The following TLN1 variants were observed in gnomAD, a reference collection of about 807,000 sequenced individuals.
TLN1 encodes the protein talin-1.
A neutral mutation model predicts 292.3 loss-of-function variants in TLN1; 56 were observed. The observed-to-expected ratio is 0.19, with a 90% CI of 0.15 to 0.24. TLN1 has a LOEUF of 0.24. Among genes scored for constraint, TLN1 ranks in the 10% least tolerant of loss-of-function variants. TLN1 has a pLI of 1.00. For missense variants in TLN1, 2,433 were observed against 3,248.2 expected (o/e 0.75, Z 6.10); for synonymous variants, 1,119 against 1,253.7 (o/e 0.89, Z 2.27).
At chr9:35,723,762 A>C (rs1825918854) in intron 7 of TLN1, 190 bp downstream of exon 7, 1 of 774,984 alleles carries the variant, frequency 1.3e-6, no homozygotes, top group South Asian at 1.8e-5. Context: ...ATACTGAACT[A>C]CATTCATATT....
At position 35,713,355 on chromosome 9, in the gene TLN1, C is replaced by A. The variant is rs986292123; in HGVS notation, c.3250-57G>T. ...GAAAGGAGAAGGTGAGGAGAAGGAA[C>A]CTGAGAAGGTACTTGGGGACAGGTG... is the stretch of plus-strand genomic sequence containing the variant. On this transcript the variant is annotated intron_variant, in intron 25 of 56. Coordinates refer to ENST00000314888, the MANE Select transcript of TLN1 (RefSeq NM_006289.4). The A allele has an allele frequency of 2.8e-6, 4 of 1,407,460 alleles. No individual in the cohort carries two copies. In the African/African-American group the frequency reaches 4.3e-5, roughly 15 times the overall value. 87.2% of individuals were successfully genotyped at this position (1,407,460 alleles called of 1,614,324 possible). A position where few individuals can be genotyped will look rare whatever the true frequency, so the allele number is the denominator to read the frequency against.
In TLN1 at chr9:35,707,280, A is replaced by C. The variant is rs1563940596; in HGVS notation, c.4774-27T>G. 1 of 1,604,140 alleles carries C rather than the reference A, an allele frequency of 6.2e-7. No homozygotes were observed. Among genetic ancestry groups the C allele is most frequent in the Admixed American group, 1.7e-5 (1 of 59,422 alleles). On this transcript the variant is annotated intron_variant, in intron 36 of 56. Coordinates refer to ENST00000314888, the MANE Select transcript of TLN1 (RefSeq NM_006289.4). This position sits in a 1 kb window ranked among gnomAD's most constrained non-coding sequence, Gnocchi z 5.6. ...TGGGGAGAGGGGAGGCAGGAAGGTAAGTCTCAGGAGTCCCTGGAAGATGAG... is the reference window on the plus strand; with the variant it reads ...TGGGGAGAGGGGAGGCAGGAAGGTACGTCTCAGGAGTCCCTGGAAGATGAG...
chr9:35,725,478 C>T, intron 2 of TLN1, 87 bp downstream of exon 2: 2 of 1,572,448 alleles, frequency 1.3e-6, no homozygotes, highest in East Asian at 2.3e-5. Context: ...TCTTAGGGGA[C>T]AAAGGGGTCA....
chr9:35,703,885 C>A lies in TLN1; in HGVS notation c.6247G>T (p.Ala2083Ser), dbSNP rs761961290. The A allele has an allele frequency of 6.2e-7, 1 of 1,614,186 alleles. No homozygotes were observed. The highest frequency in any genetic ancestry group is 2.2e-5 in the East Asian group (1 of 44,892). The change falls in exon 47 of 57, where the codon GCA (alanine) becomes TCA (serine). Residue 2083 changes from alanine to serine, a missense_variant. Transcript: ENST00000314888. The stretch of plus-strand genomic sequence containing the variant: ...AGGGCTTTGGCTACATCTTTCACTG[C>A]GTTGATTAGTACCACCTGTGTGGGA... ...DPETQVVLIN[A>S]VKDVAKALGD...
At position 35,707,947 on chromosome 9, in the gene TLN1, C is replaced by G. The variant is rs1825594800; in HGVS notation, c.4471-55G>C. The G allele has an allele frequency of 6.3e-7, 1 of 1,586,414 alleles. No homozygotes were observed. Among genetic ancestry groups the G allele is most frequent in the African/African-American group, 1.3e-5 (1 of 74,214 alleles). On this transcript the variant is annotated intron_variant, in intron 34 of 56. Coordinates refer to ENST00000314888, the MANE Select transcript of TLN1 (RefSeq NM_006289.4). This position sits in a 1 kb window ranked among gnomAD's most constrained non-coding sequence, Gnocchi z 5.6. Reference sequence around the variant, plus strand: ...AGGGCAGGAAGGAGGTGTACATACCCAAGGAGGAGCCATTTTAGGGTCAGG... The same window carrying G: ...AGGGCAGGAAGGAGGTGTACATACCGAAGGAGGAGCCATTTTAGGGTCAGG...
intron 33 of TLN1, among the ~76,000 whole-genome samples, chr9:35,709,628 C>G (rs1423659728): frequency 2.0e-5 from 3 of 152,088 alleles, no homozygotes; most frequent in African/African-American, 7.2e-5. Flanking sequence ...GTGGCTCACG[C>G]CTGTAATCCC....
At position 35,698,092 on chromosome 9, in the gene TLN1, C is replaced by T. The variant is rs887066784; in HGVS notation, c.7452G>A (p.Glu2484=). The T allele has an allele frequency of 2.5e-6, 4 of 1,614,052 alleles. No individual in the cohort carries two copies. The highest frequency in any genetic ancestry group is 3.4e-6 in the Non-Finnish European group (4 of 1,180,050). ...TCTCTTTCACCACCACTGTCTCATT[C>T]TCCTGCTCTTCAAAGGCTGCAGCCT... ...AQKAAAFEEQ[E]NETVVVKEKM... Residue 2484 remains glutamate (E), a synonymous_variant, in exon 56 of 57, where the codon GAG becomes GAA. Coordinates refer to ENST00000314888, the MANE Select transcript of TLN1 (RefSeq NM_006289.4). This position sits in a 1 kb window ranked among gnomAD's most constrained non-coding sequence, Gnocchi z 5.3.
intron 1 of TLN1, among the ~76,000 whole-genome samples, chr9:35,727,970 C>T (rs148728664): frequency 1.6e-4 from 25 of 152,300 alleles, no homozygotes; most frequent in East Asian, 7.7e-4. Context: ...AACAAGGCTG[C>T]TACAAGTATG....
chr9:35,718,870 T>C lies in TLN1; in HGVS notation c.1937A>G (p.Gln646Arg), dbSNP rs778548070. The change falls in exon 17 of 57, where the codon CAG (glutamine) becomes CGG (arginine). Residue 646 changes from glutamine to arginine, a missense_variant. By Grantham distance (43) the Gln-to-Arg change is conservative. Coordinates refer to ENST00000314888, the MANE Select transcript of TLN1 (RefSeq NM_006289.4). ...NLLQAAGNVG[Q>R]ASGELLQQIG... ...TTGTTGCAACAGCTCCCCACTGGCCTGGCCCACGTTCCCAGCTGCTTGCAG... is the reference window on the plus strand; with the variant it reads ...TTGTTGCAACAGCTCCCCACTGGCCCGGCCCACGTTCCCAGCTGCTTGCAG... 1.9e-6 allele frequency: 3 copies of C among 1,613,656 alleles called. No homozygotes were observed. The highest frequency in any genetic ancestry group is 3.3e-5 in the Admixed American group (2 of 59,960).
Position 35,698,166 on chromosome 9 carries a change from C to T in TLN1, c.7378G>A (p.Gly2460Ser). 1 of 1,613,932 alleles carries T rather than the reference C, an allele frequency of 6.2e-7. No individual in the cohort carries two copies. Among genetic ancestry groups the T allele is most frequent in the Non-Finnish European group, 8.5e-7 (1 of 1,180,026 alleles). Reference sequence around the variant, plus strand: ...TCTGAGGCTCGCTTCACTGCGTTGCCAGCAGCCTGGGCAGAGAGAAAGTGG... The same window carrying T: ...TCTGAGGCTCGCTTCACTGCGTTGCTAGCAGCCTGGGCAGAGAGAAAGTGG... ...SEAMKRLQAAGNAVKRASDNL... is the reference protein window; with the variant it reads ...SEAMKRLQAASNAVKRASDNL... The change falls in exon 56 of 57, where the codon GGC becomes AGC. Residue 2460 changes from glycine (G) to serine (S), a missense_variant. Physicochemically the swap from Gly to Ser is moderately conservative, Grantham distance 56 (BLOSUM62 0). Around this residue, in one of 7 missense-constraint regions of TLN1, gnomAD observed 141 missense variants for 248.5 expected, o/e 0.57. Transcript: ENST00000314888. The surrounding 1 kb of genome is among the most constrained non-coding windows in gnomAD (Gnocchi z 5.3).
intron 11 of TLN1, 137 bp from the exon 12 acceptor site, chr9:35,720,646 G>A: frequency 3.4e-6 from 2 of 594,946 alleles, no homozygotes; most frequent in South Asian, 2.5e-5. Flanking sequence ...TTTTTTTTTT[G>A]ACAAGAAAGG....
chr9:35,717,894 A>T lies in TLN1; in HGVS notation c.1996-108T>A. 7.3e-7 allele frequency: 1 copy of T among 1,367,960 alleles called. No individual in the cohort carries two copies. Among genetic ancestry groups the T allele is most frequent in the Non-Finnish European group, 9.9e-7 (1 of 1,008,940 alleles). The allele number at this position is 1,367,960 out of a possible 1,614,324, so 84.7% of individuals were successfully genotyped here. A position where few individuals can be genotyped will look rare whatever the true frequency, so the allele number is the denominator to read the frequency against. On this transcript the variant is annotated intron_variant, in intron 17 of 56. Coordinates refer to ENST00000314888, the MANE Select transcript of TLN1 (RefSeq NM_006289.4). This position sits in a 1 kb window ranked among gnomAD's most constrained non-coding sequence, Gnocchi z 4.7. The stretch of plus-strand genomic sequence containing the variant: ...ATTCCCACTGATCCAATCAAAGGAG[A>T]GTGTACGCAGAAGCAACCAGAACCT...
Position 35,697,050 on chromosome 9 carries a change from C to A in TLN1, c.*741G>T, listed in dbSNP as rs1825379591. 6.6e-6 allele frequency: 1 copy of A among 152,238 alleles called. No homozygotes were observed. The highest frequency in any genetic ancestry group is 2.4e-5 in the African/African-American group (1 of 41,458). The allele number at this position is 152,238 out of a possible 1,614,324, so 9.4% of individuals were successfully genotyped here. A position where few individuals can be genotyped will look rare whatever the true frequency, so the allele number is the denominator to read the frequency against. On this transcript the variant is annotated 3_prime_UTR_variant, in exon 57 of 57. Transcript: ENST00000314888. The stretch of plus-strand genomic sequence containing the variant: ...GAAGAACAGAATGTCCTGGTAGCCA[C>A]AAGGAACTGTGGTAGCTGCTGTCCC...
rs1428977129 is a variant in TLN1 at position 35,717,486 on chromosome 9, T to C, written c.2164-46A>G. ...AGAGACGTAGGCAAGGGAAAGGAGGTAGAGTATGCTGCTCATAGCAGTAAC... is the reference window on the plus strand; with the variant it reads ...AGAGACGTAGGCAAGGGAAAGGAGGCAGAGTATGCTGCTCATAGCAGTAAC... On this transcript the variant is annotated intron_variant, in intron 18 of 56. Transcript: ENST00000314888. This position sits in a 1 kb window ranked among gnomAD's most constrained non-coding sequence, Gnocchi z 4.7. 2 of 1,593,928 alleles carry C rather than the reference T, an allele frequency of 1.3e-6. No individual in the cohort carries two copies. Among genetic ancestry groups the C allele is most frequent in the Non-Finnish European group, 8.6e-7 (1 of 1,167,036 alleles).
chr9:35,714,568 C>G lies in TLN1; in HGVS notation c.2985+6G>C, dbSNP rs773432754. ...AGGTCAGAGAAGTGCAGAGGGGGTG[C>G]CTTGCCTGCAGGAAGCTCTGGCTGG... On this transcript the variant is annotated splice_donor_region_variant and intron_variant, in intron 23 of 56. Transcript: ENST00000314888. This position sits in a 1 kb window ranked among gnomAD's most constrained non-coding sequence, Gnocchi z 4.6. The G allele has an allele frequency of 6.2e-7, 1 of 1,608,016 alleles. No individual in the cohort carries two copies. The highest frequency in any genetic ancestry group is 1.1e-5 in the South Asian group (1 of 91,026).
chr9:35,715,189 TGAGG>T lies in TLN1; in HGVS notation c.2626-6_2626-3del. On this transcript the variant is annotated splice_polypyrimidine_tract_variant and splice_region_variant and intron_variant, in intron 20 of 56. Coordinates refer to ENST00000314888, the MANE Select transcript of TLN1 (RefSeq NM_006289.4). ...ACTGTCAGGGTGGGCAGCTGCTCCC[TGAGG>T]GAGAGGTGGAAAGACAGTCATCACC... 6.2e-7 allele frequency: 1 copy of T among 1,609,096 alleles called. No individual in the cohort carries two copies. Among genetic ancestry groups the T allele is most frequent in the Non-Finnish European group, 8.5e-7 (1 of 1,179,870 alleles).
Position 35,719,600 on chromosome 9 carries a change from T to G in TLN1, c.1606A>C (p.Met536Leu). 6.2e-7 allele frequency: 1 copy of G among 1,614,188 alleles called. No individual in the cohort carries two copies. The highest frequency in any genetic ancestry group is 8.5e-7 in the Non-Finnish European group (1 of 1,180,036). The change falls in exon 15 of 57, where the codon ATG (methionine) becomes CTG (leucine). Residue 536 changes from methionine to leucine, a missense_variant. Coordinates refer to ENST00000314888, the MANE Select transcript of TLN1 (RefSeq NM_006289.4). This position sits in a 1 kb window ranked among gnomAD's most constrained non-coding sequence, Gnocchi z 4.6. Reference sequence around the variant, plus strand: ...TGGATCTCATGCTTTGATTCATCCATCTTGTTTTTACGCCAGGCCTTAGAG... The same window carrying G: ...TGGATCTCATGCTTTGATTCATCCAGCTTGTTTTTACGCCAGGCCTTAGAG... ...AASKAWRKNK[M>L]DESKHEIHSQ...
intron 10 of TLN1, 150 bp from the exon 11 acceptor site, chr9:35,721,063 T>G (rs1825872045): frequency 3.4e-6 from 2 of 593,224 alleles, no homozygotes; most frequent in African/African-American, 3.7e-5. Context: ...GAACCTCCTC[T>G]TTATTTTCTC....
rs1301468071 is a variant in TLN1, at chr9:35,722,234, A to C, written c.844-11T>G. The C allele has an allele frequency of 1.2e-6, 2 of 1,611,512 alleles. No homozygotes were observed. Among genetic ancestry groups the C allele is most frequent in the Non-Finnish European group, 1.7e-6 (2 of 1,177,582 alleles). The stretch of plus-strand genomic sequence containing the variant: ...ACAATTCTTGTGTGCCTGTGCATAA[A>C]ATGGGGAAGAATTTAGCAAAGAGTT... On this transcript the variant is annotated splice_polypyrimidine_tract_variant and intron_variant, in intron 8 of 56. Transcript: ENST00000314888.
Sources: gnomAD v4.1 joint callset for allele counts (sites outside exome capture counted in the v4.1 genomes callset) on GRCh38, gnomAD v4.1.1 for gene constraint, gnomAD v4.1.1 regional missense constraint, Gnocchi (gnomAD v3.1) non-coding constraint, MANE v1.5 for transcripts, NCBI Gene and HGNC (gene_info 2026-07-23, HGNC 2026-07-21) for gene names.